PAWR: variants seen among roughly 807,000 people sequenced by gnomAD.
The protein encoded by PAWR is PRKC apoptosis WT1 regulator protein.
In PAWR, 23 loss-of-function variants were observed where a neutral mutation model predicts 32.0. The ratio of observed to expected loss-of-function variants is 0.72; its 90% CI spans 0.52 to 1.02. PAWR has a LOEUF of 1.02. Among genes scored for constraint, PAWR ranks in the 50% least tolerant of loss-of-function variants. PAWR has a pLI of 0.00. For missense variants in PAWR, 457 were observed against 437.7 expected, an observed-to-expected ratio of 1.04 and a Z score of -0.39; for synonymous variants, 226 against 187.1, an observed-to-expected ratio of 1.21 and a Z score of -1.70.
At chr12:79,642,001 A>G (rs1876351127) in intron 2 of PAWR, among the ~76,000 whole-genome samples, 1 of 152,152 alleles carries the variant, frequency 6.6e-6, no homozygotes, top group East Asian at 1.9e-4. Flanking sequence ...AATGTATTTC[A>G]TTCAATCTAA....
chr12:79,629,705 A>C (rs577796641), intron 2 of PAWR, among the ~76,000 whole-genome samples: 2 of 152,266 alleles, frequency 1.3e-5, no homozygotes, highest in African/African-American at 4.8e-5. Context: ...TCGAAAACTC[A>C]CTGTATGTTC....
At chr12:79,597,947 A>G (rs1873824083) in intron 4 of PAWR, 1 of 152,196 alleles carries the variant, frequency 6.6e-6, no homozygotes, top group African/African-American at 2.4e-5. Flanking sequence ...TGAAGGCTTA[A>G]CTGGGCTGGA....
chr12:79,669,126 A>T (rs943349000), intron 2 of PAWR, among the ~76,000 whole-genome samples: 2 of 152,208 alleles, frequency 1.3e-5, no homozygotes, highest in African/African-American at 2.4e-5. Flanking sequence ...GGTGATATTT[A>T]AAAAATAGCC....
In PAWR at chr12:79,675,070, A is replaced by G. The variant is rs150289335; in HGVS notation, c.516+14659T>C. On this transcript the variant is annotated intron_variant, in intron 2 of 6. Coordinates refer to ENST00000328827, the MANE Select transcript of PAWR (RefSeq NM_002583.4). Reference sequence around the variant, plus strand: ...AATCCTTTTACTGGGTATATACCCAAAGGACTAGAAATCATTCTACCACAG... The same window carrying G: ...AATCCTTTTACTGGGTATATACCCAGAGGACTAGAAATCATTCTACCACAG... Among the ~76,000 whole-genome samples, 6 of 152,284 alleles carry G rather than the reference A, an allele frequency of 3.9e-5. No individual in the cohort carries two copies. The East Asian group carries it at 1.2e-3, about 29-fold the overall frequency.
At chr12:79,610,538 C>T (rs139645445) in intron 4 of PAWR, among the ~76,000 whole-genome samples, 32 of 152,136 alleles carry the variant, frequency 2.1e-4, no homozygotes, top group Admixed American at 1.0e-3. Context: ...TGCTACACTT[C>T]GTTTAAAAGG....
chr12:79,612,674 C>T (rs964265796), intron 4 of PAWR, among the ~76,000 whole-genome samples: 2 of 152,112 alleles, frequency 1.3e-5, no homozygotes, highest in Admixed American at 1.3e-4. Flanking sequence ...ATTGAAAGAA[C>T]TCTATGTAAA....
intron 2 of PAWR, among the ~76,000 whole-genome samples, chr12:79,649,383 G>A (rs996236284): frequency 2.0e-5 from 3 of 151,908 alleles, no homozygotes; most frequent in Non-Finnish European, 2.9e-5. Flanking sequence ...TAGGTCACTA[G>A]ATACAAAAAC....
chr12:79,600,495 T>C (rs910164071), intron 4 of PAWR, among the ~76,000 whole-genome samples: 2 of 151,112 alleles, frequency 1.3e-5, no homozygotes, highest in Admixed American at 6.6e-5. Flanking sequence ...CGGGGGGAGA[T>C]AGGGTCTTGC....
chr12:79,645,278 C>A (rs1188984060), intron 2 of PAWR, among the ~76,000 whole-genome samples: 14 of 152,028 alleles, frequency 9.2e-5, no homozygotes, highest in Non-Finnish European at 2.9e-5. Flanking sequence ...CTGTTTGGAC[C>A]AAACTACTAA....
chr12:79,665,744 C>T (rs1877570665), intron 2 of PAWR, among the ~76,000 whole-genome samples: 1 of 152,156 alleles, frequency 6.6e-6, no homozygotes, highest in Non-Finnish European at 1.5e-5. Flanking sequence ...TCATTTATGA[C>T]AGCTTACAAC....
At position 79,600,308 on chromosome 12, in the gene PAWR, A is replaced by C. The variant is rs7971526; in HGVS notation, c.684-3650T>G. On this transcript the variant is annotated intron_variant, in intron 4 of 6. Coordinates refer to ENST00000328827, the MANE Select transcript of PAWR (RefSeq NM_002583.4). Reference sequence around the variant, plus strand: ...CATCAGTAAATCTGACTTATAAATAATACAAATTTTGCTTCCAGGATTTAA... The same window carrying C: ...CATCAGTAAATCTGACTTATAAATACTACAAATTTTGCTTCCAGGATTTAA... 1.2e-3 allele frequency among the ~76,000 whole-genome samples: 177 copies of C among 152,308 alleles called. 1 individual carries two copies. Among genetic ancestry groups the C allele is most frequent in the African/African-American group, 4.2e-3 (175 of 41,574 alleles).
At chr12:79,604,391 G>A (rs1049518168) in intron 4 of PAWR, 2 of 1,017,914 alleles carry the variant, frequency 2.0e-6, no homozygotes, top group Non-Finnish European at 2.4e-6. Flanking sequence ...AGGGGGTGTT[G>A]TGTTGGGGAA....
At chr12:79,672,293 A>G (rs753686902) in intron 2 of PAWR, among the ~76,000 whole-genome samples, 63 of 152,026 alleles carry the variant, frequency 4.1e-4, no homozygotes, top group Admixed American at 3.7e-3. Flanking sequence ...TTAAACTCCA[A>G]ACTCTACCAT....
rs747922616 is a variant in PAWR at position 79,621,253 on chromosome 12, CTG to C, written c.517-48_517-47del. Reference sequence around the variant, plus strand: ...CCATTTTATTTCTACTATTAATAGACTGTTTCGATAATATGTGAAAATATATT... The same window carrying C: ...CCATTTTATTTCTACTATTAATAGACTTTCGATAATATGTGAAAATATATT... On this transcript the variant is annotated intron_variant, in intron 2 of 6. Coordinates refer to ENST00000328827, the MANE Select transcript of PAWR (RefSeq NM_002583.4). 3.0e-5 allele frequency: 42 copies of C among 1,394,060 alleles called. 1 individual carries two copies. The South Asian group carries it at 4.2e-4, about 14-fold the overall frequency. 86.4% of individuals were successfully genotyped at this position (1,394,060 alleles called of 1,614,324 possible).
At chr12:79,593,805 C>A (rs2136671842) in intron 6 of PAWR, among the ~76,000 whole-genome samples, 1 of 149,592 alleles carries the variant, frequency 6.7e-6, no homozygotes, top group South Asian at 2.2e-4. Context: ...TGGGATCAAG[C>A]AATTCTCCTG....
In PAWR at chr12:79,613,934, TATATATATATATATATA is replaced by T. The variant is rs1874558842; in HGVS notation, c.649-342_649-326del. Among the ~76,000 whole-genome samples, 4 of 3,982 alleles carry T rather than the reference TATATATATATATATATA, an allele frequency of 1.0e-3. No individual in the cohort carries two copies. In the East Asian group the frequency reaches 0.025, roughly 24 times the overall value. The allele number at this position is 3,982 out of a possible 152,430, so 2.6% of individuals were successfully genotyped here. On this transcript the variant is annotated intron_variant, in intron 3 of 6. Coordinates refer to ENST00000328827, the MANE Select transcript of PAWR (RefSeq NM_002583.4). Reference sequence around the variant, plus strand: ...GGGGCATTAAAAAGTACCACCATTATATATATATATATATATATATATATATATATATATATATATAT... The same window carrying T: ...GGGGCATTAAAAAGTACCACCATTATTATATATATATATATATATATATAT...
intron 2 of PAWR, among the ~76,000 whole-genome samples, chr12:79,640,445 T>C (rs573944510): frequency 7.9e-5 from 12 of 152,288 alleles, no homozygotes; most frequent in South Asian, 2.1e-4. Flanking sequence ...TCAAGCTGAT[T>C]AGTATTTTGA....
chr12:79,658,128 T>A (rs1217982380), intron 2 of PAWR, among the ~76,000 whole-genome samples: 1 of 152,108 alleles, frequency 6.6e-6, no homozygotes, highest in African/African-American at 2.4e-5. Context: ...CTAAGAAATC[T>A]AGAGGAATTT....
At chr12:79,684,435 A>T (rs1878587844) in intron 2 of PAWR, among the ~76,000 whole-genome samples, 2 of 152,162 alleles carry the variant, frequency 1.3e-5, no homozygotes, top group South Asian at 4.1e-4. Flanking sequence ...ACATGGCGAA[A>T]CACCATCTCT....
Sources: allele counts gnomAD v4.1 joint callset (sites outside exome capture counted in the v4.1 genomes callset), GRCh38; gene constraint gnomAD v4.1.1; transcripts MANE v1.5; gene names NCBI Gene and HGNC (gene_info 2026-07-23, HGNC 2026-07-21).